The following TP63 variants were observed in gnomAD, a reference collection of about 807,000 sequenced individuals.
The protein encoded by TP63 is tumor protein 63.
TP63 carries 17 observed loss-of-function variants against 82.8 expected under a neutral mutation model. That is an observed-to-expected ratio of 0.21 (90% CI 0.14 to 0.31). The LOEUF (loss-of-function observed/expected upper bound fraction) is 0.31, where lower values mean the gene tolerates loss of function less well. Among genes scored for constraint, TP63 ranks in the 10% least tolerant of loss-of-function variants. The probability of loss-of-function intolerance (pLI) is 1.00; values close to 1 mark genes in which losing one functional copy is unlikely to be tolerated. For synonymous variants in TP63, 330 were observed against 321.7 expected (o/e 1.03, Z -0.28); for missense variants, 648 against 895.3 (o/e 0.72, Z 3.52).
intron 1 of TP63, among the ~76,000 whole-genome samples, chr3:189,642,714 G>A (rs964917435): frequency 9.9e-5 from 15 of 152,064 alleles, no homozygotes; most frequent in African/African-American, 2.2e-4. Flanking sequence ...TGAAGAAATC[G>A]AAGCAGAGAG....
intron 1 of TP63, among the ~76,000 whole-genome samples, chr3:189,735,273 A>T (rs2108791582): frequency 1.3e-5 from 2 of 152,314 alleles, no homozygotes. Context: ...CGTTTTATCC[A>T]CGCTCACAGA....
Position 189,751,528 on chromosome 3 carries a change from G to A in TP63, c.324+12754G>A, listed in dbSNP as rs375774990. Among the ~76,000 whole-genome samples the A allele has an allele frequency of 1.2e-4, 19 of 152,276 alleles. 1 individual carries two copies. In the South Asian group the frequency reaches 2.9e-3, roughly 23 times the overall value. On this transcript the variant is annotated intron_variant, in intron 3 of 13. Transcript: ENST00000264731. ...ATCGCCATTCTGACTGGTGTGAGATGGTATCTCATTGTGGTTTTGATTTGC... is the reference window on the plus strand; with the variant it reads ...ATCGCCATTCTGACTGGTGTGAGATAGTATCTCATTGTGGTTTTGATTTGC...
intron 1 of TP63, among the ~76,000 whole-genome samples, chr3:189,720,300 T>A (rs773850411): frequency 1.4e-4 from 22 of 152,192 alleles, no homozygotes; most frequent in Non-Finnish European, 1.9e-4. Context: ...CTCCTGATTT[T>A]AAATGTTTAT....
the TP63 span, among the ~76,000 whole-genome samples, chr3:189,622,209 G>A: frequency 4.2e-3 from 639 of 152,318 alleles, 9 homozygotes; most frequent in African/African-American, 0.013. Context: ...TTGTGGGCTG[G>A]CATTCGCAGG....
chr3:189,830,764 G>GA (rs1360211969), intron 4 of TP63, among the ~76,000 whole-genome samples: 2 of 152,060 alleles, frequency 1.3e-5, no homozygotes, highest in Admixed American at 1.3e-4. Flanking sequence ...TGTGACGCAA[G>GA]AAAAAATAAA....
chr3:189,748,927 T>C (rs1721590045), intron 3 of TP63, among the ~76,000 whole-genome samples: 1 of 152,070 alleles, frequency 6.6e-6, no homozygotes, highest in Non-Finnish European at 1.5e-5. Flanking sequence ...TAACATACAT[T>C]GGGGAAAGGA....
intron 1 of TP63, among the ~76,000 whole-genome samples, chr3:189,726,952 A>G (rs1577311311): frequency 1.3e-5 from 2 of 152,346 alleles, no homozygotes; most frequent in African/African-American, 2.4e-5. Flanking sequence ...CAACTCCTGA[A>G]TTCTGCTGTT....
In TP63 at chr3:189,891,174, T is replaced by A. The variant is rs114321613; in HGVS notation, c.1746+292T>A. 5.2e-3 allele frequency among the ~76,000 whole-genome samples: 787 copies of A among 152,290 alleles called. 6 individuals are homozygous for A. Among genetic ancestry groups the A allele is most frequent in the African/African-American group, 0.018 (751 of 41,566 alleles). On this transcript the variant is annotated intron_variant, in intron 13 of 13. Transcript: ENST00000264731. ...AGGAGCTATTCCCGCAATCAAAACA[T>A]TCATAATTTCTAAAGAATTAATACA...
At chr3:189,837,829 T>G (rs1398896015) in intron 4 of TP63, among the ~76,000 whole-genome samples, 1 of 152,126 alleles carries the variant, frequency 6.6e-6, no homozygotes, top group African/African-American at 2.4e-5. Flanking sequence ...TTTGCCATGT[T>G]TCCCAGGCTG....
At chr3:189,806,741 G>A (rs1333416204) in intron 3 of TP63, among the ~76,000 whole-genome samples, 5 of 152,190 alleles carry the variant, frequency 3.3e-5, no homozygotes, top group Non-Finnish European at 7.4e-5. Flanking sequence ...ATAGTTATTT[G>A]AAGAGCAAAT....
chr3:189,674,437 G>A (rs868259247), intron 1 of TP63, among the ~76,000 whole-genome samples: 1 of 152,076 alleles, frequency 6.6e-6, no homozygotes, highest in South Asian at 2.1e-4. Context: ...CAGGAAGCAA[G>A]AAAGGGGAGC....
At chr3:189,821,880 A>G (rs779273843) in intron 4 of TP63, among the ~76,000 whole-genome samples, 6 of 152,210 alleles carry the variant, frequency 3.9e-5, no homozygotes, top group Admixed American at 1.3e-4. Flanking sequence ...TGGTTGTTTT[A>G]TAAGATGAAG....
At chr3:189,846,932 C>T (rs1330580510) in intron 4 of TP63, among the ~76,000 whole-genome samples, 4 of 151,982 alleles carry the variant, frequency 2.6e-5, no homozygotes, top group African/African-American at 7.2e-5. Flanking sequence ...CCACCCACCT[C>T]GGCCTCCCAA....
intron 4 of TP63, among the ~76,000 whole-genome samples, chr3:189,845,125 T>G (rs1306366386): frequency 2.0e-5 from 3 of 152,362 alleles, no homozygotes; most frequent in African/African-American, 7.2e-5. Flanking sequence ...ACTTTGTACT[T>G]GATTAACGGA....
chr3:189,757,288 G>A (rs1722253186), intron 3 of TP63, among the ~76,000 whole-genome samples: 1 of 152,184 alleles, frequency 6.6e-6, no homozygotes, highest in Admixed American at 6.5e-5. Flanking sequence ...TATCAGAGGT[G>A]GTGTGAAGAG....
intron 4 of TP63, among the ~76,000 whole-genome samples, chr3:189,854,365 G>T (rs1716031687): frequency 6.6e-6 from 1 of 152,070 alleles, no homozygotes; most frequent in Non-Finnish European, 1.5e-5. Context: ...CGAGTAGCTG[G>T]GATTACAGAC....
chr3:189,701,281 A>T (rs1717781040), intron 1 of TP63, among the ~76,000 whole-genome samples: 1 of 152,100 alleles, frequency 6.6e-6, no homozygotes, highest in African/African-American at 2.4e-5. Flanking sequence ...ATTAAGAATT[A>T]GTCTGTTTCT....
the TP63 span, among the ~76,000 whole-genome samples, chr3:189,597,919 AC>A: frequency 2.4e-5 from 3 of 124,114 alleles, no homozygotes; most frequent in Non-Finnish European, 5.1e-5. Flanking sequence ...ATAGAGTGAG[AC>A]CCTGCCTCAA....
At chr3:189,707,072 C>T (rs1392488793) in intron 1 of TP63, among the ~76,000 whole-genome samples, 1 of 152,064 alleles carries the variant, frequency 6.6e-6, no homozygotes, top group Non-Finnish European at 1.5e-5. Context: ...TAATTGTTGT[C>T]AACACAGGTT....
Sources: allele counts gnomAD v4.1 joint callset (sites outside exome capture counted in the v4.1 genomes callset), GRCh38; gene constraint gnomAD v4.1.1; transcripts MANE v1.5; gene names NCBI Gene and HGNC (gene_info 2026-07-23, HGNC 2026-07-21).